The following GPX8 variants were observed in gnomAD, a reference collection of about 807,000 sequenced individuals.
GPX8 encodes protein peroxidase GPX8.
A neutral mutation model predicts 17.8 loss-of-function variants in GPX8; 12 were observed. The observed-to-expected ratio is 0.67, with a 90% CI of 0.43 to 1.09. The LOEUF is 1.09. GPX8 is among the 50% of genes least tolerant of loss of function. GPX8 has a pLI of 0.00. For synonymous variants in GPX8, 86 were observed against 88.1 expected, an observed-to-expected ratio of 0.98 and a Z score of 0.14; for missense variants, 209 against 235.6, an observed-to-expected ratio of 0.89 and a Z score of 0.74.
rs906834057 is a variant in GPX8, at chr5:55,164,882, G to A, written c.*664G>A. ...CATATATAAATAGTCATTTATAAATGACCGTATTATAACATTTGAAAAAGT... is the reference window on the plus strand; with the variant it reads ...CATATATAAATAGTCATTTATAAATAACCGTATTATAACATTTGAAAAAGT... On this transcript the variant is annotated 3_prime_UTR_variant, in exon 3 of 3. Transcript: ENST00000503787. 3 of 152,002 alleles carry A rather than the reference G, an allele frequency of 2.0e-5. No homozygotes were observed. The highest frequency in any genetic ancestry group is 7.2e-5 in the African/African-American group (3 of 41,380). 9.4% of individuals were successfully genotyped at this position (152,002 alleles called of 1,614,324 possible). A position where few individuals can be genotyped will look rare whatever the true frequency, so the allele number is the denominator to read the frequency against.
rs1402567713 is a variant in GPX8 at position 55,166,353 on chromosome 5, C to G, written c.*2135C>G. 6.6e-6 allele frequency: 1 copy of G among 152,208 alleles called. No individual in the cohort carries two copies. The highest frequency in any genetic ancestry group is 1.5e-5 in the Non-Finnish European group (1 of 68,064). The allele number at this position is 152,208 out of a possible 1,614,324, so 9.4% of individuals were successfully genotyped here. A position where few individuals can be genotyped will look rare whatever the true frequency, so the allele number is the denominator to read the frequency against. On this transcript the variant is annotated 3_prime_UTR_variant, in exon 3 of 3. Transcript: ENST00000503787. ...AGTGGGTTTCTTCACTTACATCTCT[C>G]TAATCTTGGCTGCCTTATTCAACCT...
intron 2 of GPX8, among the ~76,000 whole-genome samples, chr5:55,163,694 G>A (rs1744215949): frequency 6.6e-6 from 1 of 151,310 alleles, no homozygotes; most frequent in Admixed American, 6.6e-5. Flanking sequence ...TTTTAGTAGA[G>A]ATGGGGTTTC....
In GPX8 at chr5:55,166,964, A is replaced by C. The variant is rs1284682166; in HGVS notation, c.*2746A>C. On this transcript the variant is annotated 3_prime_UTR_variant, in exon 3 of 3. Coordinates refer to ENST00000503787, the MANE Select transcript of GPX8 (RefSeq NM_001008397.4). ...AGAATCACTTGAAAACAGGAGGCTG[A>C]GGTTGCAATGAGCCAAGATTGCACC... is the stretch of plus-strand genomic sequence containing the variant. 1.3e-5 allele frequency: 2 copies of C among 152,198 alleles called. No homozygotes were observed. Among genetic ancestry groups the C allele is most frequent in the Non-Finnish European group, 2.9e-5 (2 of 68,050 alleles). 9.4% of individuals were successfully genotyped at this position (152,198 alleles called of 1,614,324 possible). A position where few individuals can be genotyped will look rare whatever the true frequency, so the allele number is the denominator to read the frequency against.
At chr5:55,161,894 C>T (rs1056653044) in intron 2 of GPX8, among the ~76,000 whole-genome samples, 1 of 152,134 alleles carries the variant, frequency 6.6e-6, no homozygotes, top group African/African-American at 2.4e-5. Flanking sequence ...CCTCAAGCTA[C>T]CTGGGTTCAA....
chr5:55,163,728 A>G (rs773938853), intron 2 of GPX8, among the ~76,000 whole-genome samples: 1 of 150,660 alleles, frequency 6.6e-6, no homozygotes, highest in Non-Finnish European at 1.5e-5. Flanking sequence ...GGCTGGTCTT[A>G]AACTCCTGAT....
chr5:55,163,456 C>T (rs1189290702), intron 2 of GPX8, among the ~76,000 whole-genome samples: 1 of 152,070 alleles, frequency 6.6e-6, no homozygotes, highest in African/African-American at 2.4e-5. Flanking sequence ...TGTGGTGGCA[C>T]ACACCTGTAA....
At chr5:55,160,944 T>A (rs751241308) in intron 1 of GPX8, 50 bp from the exon 2 acceptor site, 5 of 1,568,334 alleles carry the variant, frequency 3.2e-6, no homozygotes, top group South Asian at 2.4e-5. Flanking sequence ...CAGAATTTTT[T>A]AAAATCTTTT....
Position 55,160,179 on chromosome 5 carries a change from T to C in GPX8, c.-14T>C, listed in dbSNP as rs1743957678. The C allele has an allele frequency of 6.2e-7, 1 of 1,607,848 alleles. No individual in the cohort carries two copies. The highest frequency in any genetic ancestry group is 1.3e-5 in the African/African-American group (1 of 74,800). On this transcript the variant is annotated 5_prime_UTR_variant, in exon 1 of 3. Transcript: ENST00000503787. Reference sequence around the variant, plus strand: ...ATTCCAGGCTGCTGAGACTTCCCTCTAGAATCCTCCAACATGGAGCCTCTT... The same window carrying C: ...ATTCCAGGCTGCTGAGACTTCCCTCCAGAATCCTCCAACATGGAGCCTCTT...
At position 55,161,256 on chromosome 5, in the gene GPX8, GTAA is replaced by G. The variant is rs1212753661; in HGVS notation, c.466+2_466+4del. 6.2e-7 allele frequency: 1 copy of G among 1,612,712 alleles called. No homozygotes were observed. Among genetic ancestry groups the G allele is most frequent in the Non-Finnish European group, 8.5e-7 (1 of 1,179,264 alleles). Reference sequence around the variant, plus strand: ...GAACCTGCATTTAGATTTCTTGTTGGTAAATATCTGCCTTGCATATGCTGTTTT... The same window carrying G: ...GAACCTGCATTTAGATTTCTTGTTGGATATCTGCCTTGCATATGCTGTTTT... On this transcript the variant is annotated splice_donor_variant and splice_donor_region_variant and intron_variant, in intron 2 of 2. Coordinates refer to ENST00000503787, the MANE Select transcript of GPX8 (RefSeq NM_001008397.4). LOFTEE classifies it high-confidence loss of function.
At chr5:55,163,390 A>C (rs148601699) in intron 2 of GPX8, among the ~76,000 whole-genome samples, 1 of 152,042 alleles carries the variant, frequency 6.6e-6, no homozygotes, top group African/African-American at 2.4e-5. Flanking sequence ...TAAGGTGATT[A>C]TTCACTTTGG....
chr5:55,162,491 G>A (rs1744130604), intron 2 of GPX8, among the ~76,000 whole-genome samples: 1 of 152,188 alleles, frequency 6.6e-6, no homozygotes, highest in African/African-American at 2.4e-5. Context: ...GTTGAGTTTT[G>A]ATCAAACTAT....
chr5:55,160,367 ACT>A lies in GPX8; in HGVS notation c.176_177del (p.Thr59SerfsTer7). The A allele has an allele frequency of 6.2e-7, 1 of 1,613,012 alleles. No individual in the cohort carries two copies. Among genetic ancestry groups the A allele is most frequent in the Non-Finnish European group, 8.5e-7 (1 of 1,179,918 alleles). On this transcript the variant is annotated frameshift_variant, in exon 1 of 3. Coordinates refer to ENST00000503787, the MANE Select transcript of GPX8 (RefSeq NM_001008397.4). LOFTEE classifies it high-confidence loss of function. ...AFEVKDAKGR[T>X]VSLEKYKGKV... ...TGAAGTGAAGGATGCAAAAGGAAGA[ACT>A]GTTTCTCTGGAAAAGTATAAAGGCA...
intron 2 of GPX8, 116 bp downstream of exon 2, chr5:55,161,371 C>G (rs1191485588): frequency 5.9e-6 from 6 of 1,023,376 alleles, no homozygotes; most frequent in Non-Finnish European, 7.1e-6. Context: ...CTTCATAAAA[C>G]TATCATCAAA....
intron 2 of GPX8, 116 bp from the exon 3 acceptor site, chr5:55,163,939 T>G: frequency 1.4e-6 from 1 of 730,878 alleles, no homozygotes; most frequent in Non-Finnish European, 2.0e-6. Context: ...GTTTTTTATA[T>G]TATGACAGTC....
chr5:55,164,324 C>A lies in GPX8; in HGVS notation c.*106C>A. 1.3e-6 allele frequency: 1 copy of A among 783,066 alleles called. No homozygotes were observed. The highest frequency in any genetic ancestry group is 1.8e-6 in the Non-Finnish European group (1 of 544,482). The allele number at this position is 783,066 out of a possible 1,614,324, so 48.5% of individuals were successfully genotyped here. ...ACAGTGTCTCACTCTGTCACCCAGG[C>A]TGGAGTGCAGTAGTGCGTTCTCAGC... On this transcript the variant is annotated 3_prime_UTR_variant, in exon 3 of 3. Transcript: ENST00000503787.
chr5:55,164,161 G>C lies in GPX8; in HGVS notation c.573G>C (p.Arg191Ser). The change falls in exon 3 of 3, where the codon AGG (arginine) becomes AGC (serine). Residue 191 changes from arginine to serine, a missense_variant. Arg to Ser is a moderately radical substitution (Grantham distance 110, BLOSUM62 -1). Coordinates refer to ENST00000503787, the MANE Select transcript of GPX8 (RefSeq NM_001008397.4). ...CAGAGGAGCCCATTGAAGTCATCAG[G>C]CCTGACATAGCAGCTCTGGTTAGAC... ...WKPEEPIEVI[R>S]PDIAALVRQV... is the part of the protein sequence containing the mutation. 1 of 1,598,732 alleles carries C rather than the reference G, an allele frequency of 6.3e-7. No individual in the cohort carries two copies. Among genetic ancestry groups the C allele is most frequent in the Non-Finnish European group, 8.6e-7 (1 of 1,169,578 alleles).
chr5:55,163,560 G>A (rs1744206172), intron 2 of GPX8, among the ~76,000 whole-genome samples: 1 of 151,844 alleles, frequency 6.6e-6, no homozygotes, highest in Admixed American at 6.6e-5. Flanking sequence ...AGGCTGGAGG[G>A]CAGTGGTGTG....
Position 55,161,274 on chromosome 5 carries a change from T to A in GPX8, c.466+19T>A. On this transcript the variant is annotated intron_variant, in intron 2 of 2. Coordinates refer to ENST00000503787, the MANE Select transcript of GPX8 (RefSeq NM_001008397.4). ...CTTGTTGGTAAATATCTGCCTTGCA[T>A]ATGCTGTTTTAAATTGCTTTTCATT... 1 of 1,604,410 alleles carries A rather than the reference T, an allele frequency of 6.2e-7. No homozygotes were observed. Among genetic ancestry groups the A allele is most frequent in the Non-Finnish European group, 8.5e-7 (1 of 1,174,184 alleles).
At position 55,161,014 on chromosome 5, in the gene GPX8, G is replaced by A; in HGVS notation, c.225G>A (p.Val75=). Residue 75 remains valine (V), a synonymous_variant, in exon 2 of 3, where the codon GTG becomes GTA. Transcript: ENST00000503787. ...YKGKVSLVVN[V]ASDCQLTDRN... is the part of the protein sequence containing the mutation. ...GGGAGGTTTCACTAGTTGTAAACGTGGCCAGTGACTGCCAACTCACAGACA... is the reference window on the plus strand; with the variant it reads ...GGGAGGTTTCACTAGTTGTAAACGTAGCCAGTGACTGCCAACTCACAGACA... The A allele has an allele frequency of 6.2e-7, 1 of 1,613,234 alleles. No individual in the cohort carries two copies. The highest frequency in any genetic ancestry group is 8.5e-7 in the Non-Finnish European group (1 of 1,179,684).
Sources: allele counts gnomAD v4.1 joint callset (sites outside exome capture counted in the v4.1 genomes callset), GRCh38; gene constraint gnomAD v4.1.1; transcripts MANE v1.5; gene names NCBI Gene and HGNC (gene_info 2026-07-23, HGNC 2026-07-21).